Variants in PRAMEF26 observed in about 807,000 individuals in gnomAD.
PRAMEF26 encodes PRAME family member 26, also known as PRAME family member 25.
Position 13,149,060 on chromosome 1 carries a change from T to TG in PRAMEF26, c.*176dup. 3 of 7,234 alleles carry TG rather than the reference T, an allele frequency of 4.1e-4. 1 individual carries two copies. The highest frequency in any genetic ancestry group is 2.2e-3 in the Admixed American group (2 of 928). 0.4% of individuals were successfully genotyped at this position (7,234 alleles called of 1,614,324 possible). A position where few individuals can be genotyped will look rare whatever the true frequency, so the allele number is the denominator to read the frequency against. ...CGTTCCCAAAGTCCCATCGAATCCA[T>TG]GGCAACATTTCCCCCAAGTCCTGCC... On this transcript the variant is annotated 3_prime_UTR_variant, in exon 4 of 4. Transcript: ENST00000624207.
At chr1:13,155,203 T>C (rs1289025773) in intron 1 of PRAMEF26, 1 of 145,334 alleles carries the variant, frequency 6.9e-6, no homozygotes, top group East Asian at 2.0e-4. Context: ...CATGCCACCA[T>C]GCCCAGCTAA....
chr1:13,155,419 G>T (rs1354918790), intron 1 of PRAMEF26: 3 of 100,870 alleles, frequency 3.0e-5, no homozygotes, highest in Non-Finnish European at 6.0e-5. Flanking sequence ...TCTCTGTATG[G>T]AGACTGATGC....
intron 1 of PRAMEF26, chr1:13,155,375 C>A (rs1161282748): frequency 4.9e-5 from 5 of 101,286 alleles, no homozygotes; most frequent in Non-Finnish European, 8.0e-5. Flanking sequence ...CAAAAATTAG[C>A]CAGGCATGGT....
chr1:13,155,273 T>G (rs1189571110), intron 1 of PRAMEF26: 2 of 139,048 alleles, frequency 1.4e-5, no homozygotes, highest in African/African-American at 2.6e-5. Flanking sequence ...AATCCCAGCA[T>G]TTTGGGAGGC....
At chr1:13,155,187 C>T (rs1642993421) in intron 1 of PRAMEF26, 2 of 144,528 alleles carry the variant, frequency 1.4e-5, no homozygotes, top group South Asian at 2.1e-4. Context: ...GCTGGGGCTA[C>T]AGATGCATGC....
At chr1:13,155,805 C>T (rs1375356324) in intron 1 of PRAMEF26, 79 bp downstream of exon 1, 8 of 100,130 alleles carry the variant, frequency 8.0e-5, no homozygotes, top group South Asian at 3.2e-4. Context: ...TCTGTGCCAT[C>T]GTAGGCTGCA....
intron 1 of PRAMEF26, chr1:13,155,412 C>T (rs1229162146): frequency 3.0e-5 from 3 of 100,236 alleles, no homozygotes; most frequent in Admixed American, 2.0e-4. Context: ...ACCAGCTTCT[C>T]TGTATGGAGA....
intron 1 of PRAMEF26, chr1:13,155,134 T>A (rs1437939810): frequency 2.1e-5 from 3 of 139,618 alleles, no homozygotes; most frequent in Non-Finnish European, 4.8e-5. Context: ...GCATCCTCAA[T>A]CTTCTGGGCT....
At chr1:13,155,685 C>T (rs1159066590) in intron 1 of PRAMEF26, 199 bp downstream of exon 1, 1 of 89,696 alleles carries the variant, frequency 1.1e-5, no homozygotes, top group African/African-American at 9.4e-5. Context: ...TTGAAATGAC[C>T]TAAACCAAAG....
Sources: gnomAD v4.1 joint callset for allele counts on GRCh38, gnomAD v4.1.1 for gene constraint, MANE v1.5 for transcripts, NCBI Gene and HGNC (gene_info 2026-07-23, HGNC 2026-07-21) for gene names.